EYS: variants seen among roughly 807,000 people sequenced by gnomAD.
EYS encodes the protein protein eyes shut homolog.
In EYS, 250 loss-of-function variants were observed where a neutral mutation model predicts 282.1. The observed-to-expected ratio is 0.89, with a 90% CI of 0.80 to 0.98. EYS has a LOEUF of 0.98. EYS is among the 50% of genes least tolerant of loss of function. The probability of loss-of-function intolerance (pLI) is 0.00; values close to 1 mark genes in which losing one functional copy is unlikely to be tolerated. For synonymous variants in EYS, 1,355 were observed against 1,282.9 expected, an observed-to-expected ratio of 1.06 and a Z score of -1.20; for missense variants, 4,016 against 3,709.0, an observed-to-expected ratio of 1.08 and a Z score of -2.15.
chr6:63,921,766 T>C (rs1764579790), intron 35 of EYS, among the ~76,000 whole-genome samples: 1 of 152,218 alleles, frequency 6.6e-6, no homozygotes, highest in African/African-American at 2.4e-5. Flanking sequence ...GGTTTCAGTT[T>C]CCTCTTCTAC....
At chr6:64,080,960 C>A (rs1771945440) in intron 32 of EYS, among the ~76,000 whole-genome samples, 1 of 151,884 alleles carries the variant, frequency 6.6e-6, no homozygotes, top group Non-Finnish European at 1.5e-5. Flanking sequence ...GTTACTGTAG[C>A]CTTGTAGGAT....
At chr6:65,205,512 A>C (rs2150248596) in intron 12 of EYS, among the ~76,000 whole-genome samples, 1 of 152,022 alleles carries the variant, frequency 6.6e-6, no homozygotes, top group Non-Finnish European at 1.5e-5. Context: ...AGTACAAAGT[A>C]AACAAACCCT....
chr6:63,742,081 C>G (rs371126437), intron 41 of EYS: 2 of 661,376 alleles, frequency 3.0e-6, no homozygotes, highest in Middle Eastern at 2.5e-4. Flanking sequence ...TCTTTGAAAC[C>G]TCTTTAACTC....
rs149965887 is a variant in EYS, at chr6:65,590,627, C to T, written c.-333+49151G>A. Among the ~76,000 whole-genome samples the T allele has an allele frequency of 5.9e-5, 9 of 152,038 alleles. No individual in the cohort carries two copies. The East Asian group carries it at 1.4e-3, about 23-fold the overall frequency. On this transcript the variant is annotated intron_variant, in intron 2 of 42. Transcript: ENST00000503581. ...TACCCACTGGACAACTTCTTATTCC[C>T]CCACTCCCAAATCCCTCTAGGCCTC...
chr6:63,899,907 G>A (rs1192307258), intron 35 of EYS, among the ~76,000 whole-genome samples: 2 of 152,186 alleles, frequency 1.3e-5, no homozygotes, highest in Non-Finnish European at 2.9e-5. Flanking sequence ...CAGTAACAAA[G>A]GAAAGAGGAG....
At chr6:64,021,776 G>A (rs1769204547) in intron 33 of EYS, among the ~76,000 whole-genome samples, 1 of 151,966 alleles carries the variant, frequency 6.6e-6, no homozygotes, top group South Asian at 2.1e-4. Context: ...TTCCCTCCCT[G>A]GAGGAAACTG....
At chr6:63,808,135 T>G (rs973874941) in intron 36 of EYS, among the ~76,000 whole-genome samples, 1 of 152,158 alleles carries the variant, frequency 6.6e-6, no homozygotes, top group Non-Finnish European at 1.5e-5. Context: ...AAAGCACTAG[T>G]CACTCAAGGG....
At chr6:64,280,240 G>A (rs918681013) in intron 30 of EYS, among the ~76,000 whole-genome samples, 6 of 151,888 alleles carry the variant, frequency 4.0e-5, no homozygotes, top group Non-Finnish European at 8.8e-5. Context: ...TGTAACCCTG[G>A]CATTTGCATT....
intron 19 of EYS, among the ~76,000 whole-genome samples, chr6:64,870,810 C>T (rs1300663969): frequency 6.6e-6 from 1 of 151,422 alleles, no homozygotes; most frequent in Non-Finnish European, 1.5e-5. Context: ...ACTGGAGGGA[C>T]TTAAAGGCAT....
rs1773506499 is a variant in EYS at position 63,895,214 on chromosome 6, A to G, written c.7056-30856T>C. ...ATGATATAGCCTATTTAAAATTTAGATAGCATCTTTTCCCACAATCTCAAT... is the reference window on the plus strand; with the variant it reads ...ATGATATAGCCTATTTAAAATTTAGGTAGCATCTTTTCCCACAATCTCAAT... On this transcript the variant is annotated intron_variant, in intron 35 of 42. Transcript: ENST00000503581. Among the ~76,000 whole-genome samples the G allele has an allele frequency of 4.9e-5, 7 of 142,826 alleles. No individual in the cohort carries two copies. The Admixed American group carries it at 5.2e-4, about 11-fold the overall frequency. The allele number at this position is 142,826 out of a possible 152,430, so 93.7% of individuals were successfully genotyped here.
chr6:64,793,579 C>G (rs1177302089), intron 22 of EYS, among the ~76,000 whole-genome samples: 1 of 152,080 alleles, frequency 6.6e-6, no homozygotes, highest in East Asian at 1.9e-4. Context: ...CATGCTAGAC[C>G]TGATCAAAAT....
chr6:63,996,309 G>A (rs1406568108), intron 34 of EYS, among the ~76,000 whole-genome samples: 2 of 152,014 alleles, frequency 1.3e-5, no homozygotes, highest in Non-Finnish European at 2.9e-5. Flanking sequence ...AGGTTGCGGG[G>A]AGAGAGAAAT....
chr6:64,971,281 T>C lies in EYS; in HGVS notation c.2260-25367A>G, dbSNP rs182589140. Among the ~76,000 whole-genome samples the C allele has an allele frequency of 4.1e-5, 5 of 122,612 alleles. No homozygotes were observed. In the Admixed American group the frequency reaches 4.5e-4, roughly 11 times the overall value. 80.4% of individuals were successfully genotyped at this position (122,612 alleles called of 152,430 possible). ...TGATATTTGCCTGAACAAATGCAGA[T>C]GAAAGTGTCCTATTCTAGAAAAAAA... On this transcript the variant is annotated intron_variant, in intron 14 of 42. Transcript: ENST00000503581.
chr6:65,417,959 C>A (rs916349331), intron 5 of EYS, among the ~76,000 whole-genome samples: 2 of 151,864 alleles, frequency 1.3e-5, no homozygotes, highest in Non-Finnish European at 2.9e-5. Context: ...GATATGGCCC[C>A]TAAAATAAAT....
At chr6:63,881,040 C>G (rs763321896) in intron 35 of EYS, among the ~76,000 whole-genome samples, 24 of 151,748 alleles carry the variant, frequency 1.6e-4, no homozygotes, top group Admixed American at 3.3e-4. Flanking sequence ...TTAGATGTGA[C>G]AATTTTCTTT....
At chr6:64,209,292 T>C (rs545520652) in intron 31 of EYS, among the ~76,000 whole-genome samples, 1 of 152,290 alleles carries the variant, frequency 6.6e-6, no homozygotes, top group East Asian at 1.9e-4. Context: ...TAGCACAAGG[T>C]TAATATTTCA....
At chr6:65,494,511 G>A (rs1766163150) in intron 4 of EYS, 152 bp downstream of exon 4, 1 of 623,336 alleles carries the variant, frequency 1.6e-6, no homozygotes, top group Non-Finnish European at 2.7e-6. Flanking sequence ...TCGCTCTCCT[G>A]ACCTCGTGAT....
intron 28 of EYS, among the ~76,000 whole-genome samples, chr6:64,421,893 G>GTC (rs1457130315): frequency 6.6e-6 from 1 of 150,744 alleles, no homozygotes; most frequent in Non-Finnish European, 1.5e-5. Flanking sequence ...GTGTGTGTGT[G>GTC]TGTGTGTAGA....
chr6:64,342,576 G>A (rs921384270), intron 29 of EYS, among the ~76,000 whole-genome samples: 2 of 151,874 alleles, frequency 1.3e-5, no homozygotes, highest in South Asian at 2.1e-4. Context: ...CACTAAACAT[G>A]GAAAGGAACA....
Sources: gnomAD v4.1 joint callset for allele counts (sites outside exome capture counted in the v4.1 genomes callset) on GRCh38, gnomAD v4.1.1 for gene constraint, MANE v1.5 for transcripts, NCBI Gene and HGNC (gene_info 2026-07-23, HGNC 2026-07-21) for gene names.